Variants in SLC24A2 observed in about 807,000 individuals in gnomAD.
SLC24A2 encodes sodium/potassium/calcium exchanger 2.
Under a neutral mutation model 62.0 loss-of-function variants are expected in SLC24A2, and 36 were observed. The ratio of observed to expected loss-of-function variants is 0.58; its 90% CI spans 0.44 to 0.77. The LOEUF (loss-of-function observed/expected upper bound fraction) is 0.77, where lower values mean the gene tolerates loss of function less well. SLC24A2 is among the 30% of genes least tolerant of loss of function. SLC24A2 has a pLI of 0.00. For missense variants in SLC24A2, 846 were observed against 817.9 expected (o/e 1.03, Z -0.42); for synonymous variants, 358 against 294.0 (o/e 1.22, Z -2.23).
the SLC24A2 span, among the ~76,000 whole-genome samples, chr9:19,839,123 A>G: frequency 9.2e-5 from 14 of 152,256 alleles, no homozygotes; most frequent in African/African-American, 3.4e-4. Flanking sequence ...TTATGCAGCC[A>G]AAAAACACAT....
chr9:19,915,403 A>C, the SLC24A2 span, among the ~76,000 whole-genome samples: 1 of 152,084 alleles, frequency 6.6e-6, no homozygotes, highest in South Asian at 2.1e-4. Flanking sequence ...ATTCCGGTAC[A>C]AGCTTTTGTG....
chr9:20,234,126 G>A, the SLC24A2 span, among the ~76,000 whole-genome samples: 1 of 152,200 alleles, frequency 6.6e-6, no homozygotes, highest in Non-Finnish European at 1.5e-5. Context: ...CCCTTTGCGG[G>A]TAACCCGACC....
At chr9:19,556,517 A>C (rs1318362092) in intron 7 of SLC24A2, among the ~76,000 whole-genome samples, 1 of 152,184 alleles carries the variant, frequency 6.6e-6, no homozygotes, top group East Asian at 1.9e-4. Context: ...GTTCAGTTTT[A>C]TTGACTGGTA....
the SLC24A2 span, among the ~76,000 whole-genome samples, chr9:20,237,010 G>C: frequency 6.6e-6 from 1 of 152,002 alleles, no homozygotes; most frequent in African/African-American, 2.4e-5. Context: ...CAGAAGCCAG[G>C]TGTGTCTCAC....
At chr9:20,144,923 C>T in the SLC24A2 span, among the ~76,000 whole-genome samples, 1 of 151,870 alleles carries the variant, frequency 6.6e-6, no homozygotes, top group Non-Finnish European at 1.5e-5. Flanking sequence ...TTGAAGAGGC[C>T]TCAAGCAATA....
At chr9:19,961,050 G>GTT in the SLC24A2 span, among the ~76,000 whole-genome samples, 10 of 149,990 alleles carry the variant, frequency 6.7e-5, no homozygotes, top group Admixed American at 1.3e-4. Flanking sequence ...GTGTGTGTGT[G>GTT]TGAGTGAGAG....
At chr9:19,850,980 T>TATACATAC in the SLC24A2 span, among the ~76,000 whole-genome samples, 1 of 42,036 alleles carries the variant, frequency 2.4e-5, no homozygotes, top group African/African-American at 1.0e-4. Flanking sequence ...TATATATATA[T>TATACATAC]ATATGTATAT....
At chr9:19,605,687 G>A (rs1015817178) in intron 4 of SLC24A2, among the ~76,000 whole-genome samples, 15 of 152,134 alleles carry the variant, frequency 9.9e-5, no homozygotes, top group African/African-American at 2.9e-4. Context: ...AAGAAAAAAC[G>A]AACAACTGAC....
At chr9:19,874,086 T>TTTTTTTTTTTTTTTTC in the SLC24A2 span, among the ~76,000 whole-genome samples, 1 of 144,344 alleles carries the variant, frequency 6.9e-6, no homozygotes, top group Non-Finnish European at 1.5e-5. Flanking sequence ...TTTTTTTTTT[T>TTTTTTTTTTTTTTTTC]TTTTTTTTTT....
chr9:20,271,614 T>A, the SLC24A2 span, among the ~76,000 whole-genome samples: 2 of 152,234 alleles, frequency 1.3e-5, no homozygotes, highest in Non-Finnish European at 2.9e-5. Context: ...CTGCAACTAA[T>A]TTTATTCCTG....
the SLC24A2 span, among the ~76,000 whole-genome samples, chr9:20,002,827 G>A: frequency 2.0e-5 from 3 of 152,172 alleles, no homozygotes; most frequent in African/African-American, 4.8e-5. Flanking sequence ...ACAACAGCAG[G>A]GCTGGCTGTA....
chr9:20,114,674 T>A, the SLC24A2 span, among the ~76,000 whole-genome samples: 1 of 152,176 alleles, frequency 6.6e-6, no homozygotes, highest in East Asian at 1.9e-4. Flanking sequence ...GTATCTACCA[T>A]GTGCTATGAA....
At chr9:20,209,609 G>C in the SLC24A2 span, among the ~76,000 whole-genome samples, 1 of 152,146 alleles carries the variant, frequency 6.6e-6, no homozygotes, top group African/African-American at 2.4e-5. Flanking sequence ...ATTCAGACCT[G>C]AGAGCTTTCA....
the SLC24A2 span, among the ~76,000 whole-genome samples, chr9:20,258,964 G>GA: frequency 6.6e-6 from 1 of 152,076 alleles, no homozygotes; most frequent in East Asian, 1.9e-4. Context: ...CTGAGAAGGG[G>GA]AGAGTATGCT....
chr9:20,170,456 G>A, the SLC24A2 span, among the ~76,000 whole-genome samples: 6 of 151,954 alleles, frequency 3.9e-5, no homozygotes, highest in African/African-American at 7.2e-5. Flanking sequence ...GAGCTGAGCC[G>A]ATTGGCTACT....
intron 2 of SLC24A2, among the ~76,000 whole-genome samples, chr9:19,777,576 G>T (rs549423353): frequency 2.0e-5 from 3 of 152,220 alleles, no homozygotes; most frequent in African/African-American, 7.2e-5. Flanking sequence ...AACATTTAAT[G>T]ATGGGGAAAA....
chr9:20,256,703 C>T, the SLC24A2 span, among the ~76,000 whole-genome samples: 3 of 152,002 alleles, frequency 2.0e-5, no homozygotes, highest in Non-Finnish European at 4.4e-5. Context: ...TTTCTAGAGC[C>T]GTGCATTCAG....
chr9:19,825,163 T>C, the SLC24A2 span, among the ~76,000 whole-genome samples: 1 of 152,202 alleles, frequency 6.6e-6, no homozygotes, highest in African/African-American at 2.4e-5. Flanking sequence ...TCTGCACATG[T>C]ACCCCAGAAC....
intron 2 of SLC24A2, among the ~76,000 whole-genome samples, chr9:19,706,719 C>T (rs562652894): frequency 2.6e-5 from 4 of 152,222 alleles, no homozygotes; most frequent in Admixed American, 2.6e-4. Flanking sequence ...AGAACAAAGA[C>T]ACAACATACC....
Sources: gnomAD v4.1 joint callset for allele counts (sites outside exome capture counted in the v4.1 genomes callset) on GRCh38, gnomAD v4.1.1 for gene constraint, MANE v1.5 for transcripts, NCBI Gene and HGNC (gene_info 2026-07-23, HGNC 2026-07-21) for gene names.